AIPL1: variants seen among roughly 807,000 people sequenced by gnomAD.
AIPL1 encodes the protein AIP like 1 HSP90 co-chaperone.
A neutral mutation model predicts 32.9 loss-of-function variants in AIPL1; 23 were observed. The observed-to-expected ratio is 0.70, with a 90% confidence interval of 0.50 to 0.99. AIPL1 has a LOEUF of 0.99. Ranked by LOEUF, AIPL1 falls within the 50% of genes least tolerant of loss-of-function variation. The probability of loss-of-function intolerance (pLI) is 0.00; values close to 1 mark genes in which losing one functional copy is unlikely to be tolerated. For missense variants in AIPL1, 485 were observed against 506.0 expected, an observed-to-expected ratio of 0.96 and a Z score of 0.40; for synonymous variants, 210 against 209.4, an observed-to-expected ratio of 1.00 and a Z score of -0.02.
Position 6,425,822 on chromosome 17 carries a change from T to G in AIPL1, c.793A>C (p.Lys265Gln). The G allele has an allele frequency of 6.2e-7, 1 of 1,603,740 alleles. No individual in the cohort carries two copies. Among genetic ancestry groups the G allele is most frequent in the Non-Finnish European group, 8.5e-7 (1 of 1,179,582 alleles). Residue 265 changes from lysine to glutamine, a missense_variant, in exon 6 of 6, where the codon AAG becomes CAG. Physicochemically the swap from Lys to Gln is moderately conservative, Grantham distance 53. Transcript: ENST00000381129. Reference sequence around the variant, plus strand: ...GCCCGGGCACGCACGTAGTAGGCCTTCACGATGCCTGTGGGGAGCAGGGAG... The same window carrying G: ...GCCCGGGCACGCACGTAGTAGGCCTGCACGATGCCTGTGGGGAGCAGGGAG... Reference protein sequence around the residue: ...DILRHHPGIVKAYYVRARAHA... With the variant: ...DILRHHPGIVQAYYVRARAHA...
At chr17:6,433,280 C>T (rs1912787335) in intron 2 of AIPL1, among the ~76,000 whole-genome samples, 3 of 152,188 alleles carry the variant, frequency 2.0e-5, no homozygotes, top group Admixed American at 1.3e-4. Flanking sequence ...ATAAAATCTC[C>T]AGATCTAATC....
In AIPL1 at chr17:6,433,318, C is replaced by T. The variant is rs556957646; in HGVS notation, c.276+601G>A. 1.7e-4 allele frequency among the ~76,000 whole-genome samples: 26 copies of T among 152,208 alleles called. No homozygotes were observed. In the South Asian group the frequency reaches 2.9e-3, roughly 17 times the overall value. On this transcript the variant is annotated intron_variant, in intron 2 of 5. Transcript: ENST00000381129. ...GCTGTATAAAAAGCAAGGACTTAGC[C>T]GGGCAAGATGGCTCATGCCTATAAT... is the stretch of plus-strand genomic sequence containing the variant.
rs766195408 is a variant in AIPL1 at position 6,428,453 on chromosome 17, G to A, written c.330C>T (p.Gly110=). 1.7e-5 allele frequency: 27 copies of A among 1,613,870 alleles called. No individual in the cohort carries two copies. Among genetic ancestry groups the A allele is most frequent in the Middle Eastern group, 1.6e-4 (1 of 6,084 alleles). ...LSRSLRQMAQ[G]KDPTEWHVHT... Reference sequence around the variant, plus strand: ...GCACGTGCCACTCTGTGGGGTCCTTGCCCTGGGCCATCTGCCTCAGGCTCC... The same window carrying A: ...GCACGTGCCACTCTGTGGGGTCCTTACCCTGGGCCATCTGCCTCAGGCTCC... Residue 110 remains glycine, a synonymous_variant, in exon 3 of 6, where the codon GGC becomes GGT. Transcript: ENST00000381129.
intron 5 of AIPL1, chr17:6,426,072 T>C: frequency 8.2e-7 from 1 of 1,212,972 alleles, no homozygotes; most frequent in Non-Finnish European, 1.1e-6. Flanking sequence ...TTGTTTTATT[T>C]TTCTTATAGA....
Position 6,424,451 on chromosome 17 carries a change from T to C in AIPL1, c.*1009A>G, listed in dbSNP as rs4577135. 0.19 allele frequency: 28,619 copies of C among 152,262 alleles called. 3,157 individuals carry two copies. Among genetic ancestry groups the C allele is most frequent in the African/African-American group, 0.3 (12,539 of 41,510 alleles). 9.4% of individuals were successfully genotyped at this position (152,262 alleles called of 1,614,324 possible). A position where few individuals can be genotyped will look rare whatever the true frequency, so the allele number is the denominator to read the frequency against. ...GCCCTGAGCTGCTGCTCGCTGCCTA[T>C]GGGGTAGCCCTGCTCTGCAGGGCAG... is the stretch of plus-strand genomic sequence containing the variant. On this transcript the variant is annotated 3_prime_UTR_variant, in exon 6 of 6. Coordinates refer to ENST00000381129, the MANE Select transcript of AIPL1 (RefSeq NM_014336.5).
In AIPL1 at chr17:6,428,294, C is replaced by CA. The variant is rs758189295; in HGVS notation, c.465+23dup. 7.0e-5 allele frequency: 112 copies of CA among 1,603,532 alleles called. 1 individual carries two copies. In the South Asian group the frequency reaches 1.2e-3, roughly 17 times the overall value. ...CCTCTCCAGTGCTGGCACAGCCCTCCAGCCCTGCCAACCCCAGCCCCACCT... is the reference window on the plus strand; with the variant it reads ...CCTCTCCAGTGCTGGCACAGCCCTCCAAGCCCTGCCAACCCCAGCCCCACCT... On this transcript the variant is annotated intron_variant, in intron 3 of 5. Coordinates refer to ENST00000381129, the MANE Select transcript of AIPL1 (RefSeq NM_014336.5).
chr17:6,429,868 A>G (rs1436621021), intron 2 of AIPL1, among the ~76,000 whole-genome samples: 1 of 148,686 alleles, frequency 6.7e-6, no homozygotes, highest in African/African-American at 2.5e-5. Context: ...AGATAGATAG[A>G]TAATAGATAC....
chr17:6,427,810 C>CTTTTTTTTTTTTTTTTTTTTT (rs5819114), intron 3 of AIPL1, among the ~76,000 whole-genome samples: 3 of 144,746 alleles, frequency 2.1e-5, no homozygotes, highest in Non-Finnish European at 3.0e-5. Flanking sequence ...TCCAAGTGGA[C>CTTTTTTTTTTTTTTTTTTTTT]TTTTTTTTTT....
chr17:6,425,938 C>T (rs1911908098), intron 5 of AIPL1, 108 bp from the exon 6 acceptor site: 2 of 1,418,170 alleles, frequency 1.4e-6, no homozygotes, highest in Non-Finnish European at 9.5e-7. Context: ...CCGCCATGAT[C>T]CTTAACCTCT....
At chr17:6,426,181 C>A in intron 5 of AIPL1, 2 of 1,279,592 alleles carry the variant, frequency 1.6e-6, no homozygotes, top group South Asian at 3.9e-5. Flanking sequence ...TAAACGCAGA[C>A]GACGTGTGCC....
rs149124329 is a variant in AIPL1, at chr17:6,428,460, G to A, written c.323C>T (p.Ala108Val). 146 of 1,613,976 alleles carry A rather than the reference G, an allele frequency of 9.0e-5. No homozygotes were observed. The African/African-American group carries it at 1.7e-3, about 19-fold the overall frequency. ...CCACTCTGTGGGGTCCTTGCCCTGGGCCATCTGCCTCAGGCTCCGGGATAG... is the reference window on the plus strand; with the variant it reads ...CCACTCTGTGGGGTCCTTGCCCTGGACCATCTGCCTCAGGCTCCGGGATAG... ...PILSRSLRQM[A>V]QGKDPTEWHV... The change falls in exon 3 of 6, where the codon GCC becomes GTC. Residue 108 changes from alanine (A) to valine (V), a missense_variant. By Grantham distance (64) the Ala-to-Val change is moderately conservative. Transcript: ENST00000381129.
At chr17:6,426,466 A>G (rs1911963828) in intron 5 of AIPL1, 149 bp downstream of exon 5, 1 of 1,497,516 alleles carries the variant, frequency 6.7e-7, no homozygotes, top group African/African-American at 1.4e-5. Context: ...CCCACAATTC[A>G]GTTACACACT....
At position 6,434,135 on chromosome 17, in the gene AIPL1, C is replaced by T. The variant is rs143746765; in HGVS notation, c.97-37G>A. On this transcript the variant is annotated intron_variant, in intron 1 of 5. Transcript: ENST00000381129. ...GACGGTGCACTCTGCTCTAGACACACTGTTCAAGGCCCGGCAGAAGCCACC... is the reference window on the plus strand; with the variant it reads ...GACGGTGCACTCTGCTCTAGACACATTGTTCAAGGCCCGGCAGAAGCCACC... 2.2e-4 allele frequency: 350 copies of T among 1,605,686 alleles called. 1 individual carries two copies. The African/African-American group carries it at 4.2e-3, about 19-fold the overall frequency.
intron 1 of AIPL1, 177 bp downstream of exon 1, chr17:6,434,832 G>C (rs1287643813): frequency 2.6e-6 from 3 of 1,169,212 alleles, no homozygotes; most frequent in Non-Finnish European, 3.5e-6. Flanking sequence ...AATCTGCAAA[G>C]TACCAAAAAT....
chr17:6,429,019 G>A (rs973668617), intron 2 of AIPL1, among the ~76,000 whole-genome samples: 3 of 152,214 alleles, frequency 2.0e-5, no homozygotes, highest in Non-Finnish European at 2.9e-5. Context: ...GGTTAGCGGT[G>A]AGCCCAGGTC....
intron 1 of AIPL1, among the ~76,000 whole-genome samples, chr17:6,434,680 A>G (rs1269244469): frequency 6.6e-6 from 1 of 152,158 alleles, no homozygotes; most frequent in Admixed American, 6.5e-5. Flanking sequence ...CTGTAGCCAC[A>G]GACGCACCCT....
chr17:6,428,419 C>T lies in AIPL1; in HGVS notation c.364G>A (p.Gly122Arg). 6.2e-6 allele frequency: 10 copies of T among 1,613,572 alleles called. No individual in the cohort carries two copies. Among genetic ancestry groups the T allele is most frequent in the Non-Finnish European group, 6.8e-6 (8 of 1,180,036 alleles). ...DPTEWHVHTC[G>R]LANMFAYHTL... ...TGGTAGGCGAACATGTTGGCCAGCC[C>T]GCACGTGTGCACGTGCCACTCTGTG... Residue 122 changes from glycine (G) to arginine (R), a missense_variant, in exon 3 of 6, where the codon GGG (glycine) becomes AGG (arginine). Transcript: ENST00000381129.
intron 5 of AIPL1, chr17:6,426,330 C>G: frequency 1.4e-6 from 2 of 1,390,282 alleles, no homozygotes; most frequent in Admixed American, 3.0e-5. Context: ...ATATTGATTG[C>G]CCCTCTTTTT....
chr17:6,432,953 G>A (rs1912755230), intron 2 of AIPL1, among the ~76,000 whole-genome samples: 2 of 152,168 alleles, frequency 1.3e-5, no homozygotes, highest in Admixed American at 6.6e-5. Flanking sequence ...GAAATGATAT[G>A]GTGTCTGGCA....
Sources: allele counts gnomAD v4.1 joint callset (sites outside exome capture counted in the v4.1 genomes callset), GRCh38; gene constraint gnomAD v4.1.1; transcripts MANE v1.5; gene names NCBI Gene and HGNC (gene_info 2026-07-23, HGNC 2026-07-21).